Variants in ADGRB3 observed in about 807,000 individuals in gnomAD.
The protein encoded by ADGRB3 is adhesion G protein-coupled receptor B3, also known as brain-specific angiogenesis inhibitor 3.
Under a neutral mutation model 193.4 loss-of-function variants are expected in ADGRB3, and 37 were observed. That is an observed-to-expected ratio of 0.19 (90% CI 0.15 to 0.25). ADGRB3 has a LOEUF of 0.25. Ranked by LOEUF, ADGRB3 falls within the 10% of genes least tolerant of loss-of-function variation. The pLI is 1.00. For synonymous variants in ADGRB3, 690 were observed against 644.2 expected, an observed-to-expected ratio of 1.07 and a Z score of -1.08; for missense variants, 1,637 against 1,852.9, an observed-to-expected ratio of 0.88 and a Z score of 2.14.
chr6:69,189,513 T>A (rs1184701772), intron 17 of ADGRB3, among the ~76,000 whole-genome samples: 2 of 152,246 alleles, frequency 1.3e-5, no homozygotes, highest in African/African-American at 4.8e-5. Flanking sequence ...GTTTTGAAAT[T>A]ATTAATGTGA....
rs9446055 is a variant in ADGRB3, at chr6:68,769,480, T to C, written c.757+130048T>C. On this transcript the variant is annotated intron_variant, in intron 3 of 31. Transcript: ENST00000370598. The stretch of plus-strand genomic sequence containing the variant: ...GCTTGTTCTCACTCATAAGTCGGAG[T>C]TGAACAATGAGAACACATGGACACA... Among the ~76,000 whole-genome samples the C allele has an allele frequency of 7.0e-3, 1,062 of 151,946 alleles. 20 individuals are homozygous for C. The highest frequency in any genetic ancestry group is 0.025 in the African/African-American group (1,019 of 41,432).
Position 69,125,106 on chromosome 6 carries a change from C to T in ADGRB3, c.2480+49068C>T, listed in dbSNP as rs190350761. ...CAAGCAGGCTTCCTCTTAGGGTCCA[C>T]GGGCAAGGGACAGGCAGGCAGACCA... On this transcript the variant is annotated intron_variant, in intron 17 of 31. Transcript: ENST00000370598. Among the ~76,000 whole-genome samples the T allele has an allele frequency of 6.6e-4, 101 of 152,258 alleles. 1 individual carries two copies. In the Middle Eastern group the frequency reaches 0.02, roughly 31 times the overall value.
intron 17 of ADGRB3, among the ~76,000 whole-genome samples, chr6:69,196,489 G>A (rs1357418195): frequency 6.6e-6 from 1 of 152,068 alleles, no homozygotes. Flanking sequence ...CTATCAGATG[G>A]CTGCCTTCTT....
Position 69,012,133 on chromosome 6 carries a change from C to T in ADGRB3, c.1930-1905C>T, listed in dbSNP as rs1026838773. Among the ~76,000 whole-genome samples the T allele has an allele frequency of 4.6e-5, 7 of 152,050 alleles. No homozygotes were observed. In the East Asian group the frequency reaches 1.4e-3, roughly 29 times the overall value. ...TCTTCATCAAGGAATTTTGTGTATG[C>T]AGTGGCCTTCATGTACAGCAAGGAG... On this transcript the variant is annotated intron_variant, in intron 11 of 31. Transcript: ENST00000370598.
intron 4 of ADGRB3, among the ~76,000 whole-genome samples, chr6:68,932,924 A>G (rs545919119): frequency 1.9e-5 from 2 of 103,760 alleles, no homozygotes; most frequent in South Asian, 5.8e-4. Context: ...AATCAATATG[A>G]TCAGTAAAAG....
rs1252799719 is a variant in ADGRB3, at chr6:68,936,398, A to G, written c.869-121A>G. 3.9e-6 allele frequency: 4 copies of G among 1,024,296 alleles called. No homozygotes were observed. The East Asian group carries it at 1.1e-4, about 27-fold the overall frequency. 63.5% of individuals were successfully genotyped at this position (1,024,296 alleles called of 1,614,324 possible). A position where few individuals can be genotyped will look rare whatever the true frequency, so the allele number is the denominator to read the frequency against. On this transcript the variant is annotated intron_variant, in intron 4 of 31. Coordinates refer to ENST00000370598, the MANE Select transcript of ADGRB3 (RefSeq NM_001704.3). ...CTGAAATGTTTTCATGTACCTTTTG[A>G]TGTATGGTCATATTTTTACATTTAA...
At chr6:68,812,643 T>A (rs1767534613) in intron 3 of ADGRB3, among the ~76,000 whole-genome samples, 1 of 152,198 alleles carries the variant, frequency 6.6e-6, no homozygotes, top group African/African-American at 2.4e-5. Flanking sequence ...TTGCTTCTAC[T>A]AATGTACAAA....
intron 17 of ADGRB3, among the ~76,000 whole-genome samples, chr6:69,193,728 C>G (rs1765244874): frequency 6.6e-6 from 1 of 150,986 alleles, no homozygotes; most frequent in Non-Finnish European, 1.5e-5. Context: ...TTTTTTTTAC[C>G]TAGAATGTAA....
intron 11 of ADGRB3, 39 bp from the exon 12 acceptor site, chr6:69,013,999 T>C: frequency 2.9e-6 from 4 of 1,367,082 alleles, no homozygotes; most frequent in Non-Finnish European, 3.0e-6. Flanking sequence ...TATAATTCTC[T>C]CATGTAATAT....
chr6:69,111,695 TTGGATATGAAACCAAG>T (rs1466799349), intron 17 of ADGRB3, among the ~76,000 whole-genome samples: 14 of 152,222 alleles, frequency 9.2e-5, no homozygotes, highest in African/African-American at 3.1e-4. Flanking sequence ...AGATAATTTC[TTGGATATGAAACCAAG>T]ATAATTTTAA....
chr6:69,016,142 A>C, intron 12 of ADGRB3, among the ~76,000 whole-genome samples: 1 of 151,966 alleles, frequency 6.6e-6, no homozygotes, highest in East Asian at 1.9e-4. Flanking sequence ...TTGCATTTAC[A>C]ATAGAGACTT....
intron 3 of ADGRB3, among the ~76,000 whole-genome samples, chr6:68,879,892 T>A (rs1765688845): frequency 7.1e-6 from 1 of 141,300 alleles, no homozygotes; most frequent in Non-Finnish European, 1.6e-5. Context: ...TTCAAAAAGA[T>A]TCTGAACAAA....
chr6:69,362,791 G>A (rs1769480381), intron 29 of ADGRB3, among the ~76,000 whole-genome samples: 1 of 151,972 alleles, frequency 6.6e-6, no homozygotes, highest in South Asian at 2.1e-4. Context: ...AATAGCTGCA[G>A]TTTCTTTATT....
intron 3 of ADGRB3, among the ~76,000 whole-genome samples, chr6:68,883,495 C>G (rs964245795): frequency 2.0e-5 from 3 of 152,176 alleles, no homozygotes; most frequent in Non-Finnish European, 4.4e-5. Context: ...CTCATTGGGT[C>G]TGTACTGCCT....
At chr6:69,284,617 C>G (rs1767509657) in intron 20 of ADGRB3, among the ~76,000 whole-genome samples, 1 of 152,026 alleles carries the variant, frequency 6.6e-6, no homozygotes, top group Admixed American at 6.6e-5. Flanking sequence ...ACTGGAAATG[C>G]AAATTGAAGC....
chr6:69,135,947 G>A (rs1313011243), intron 17 of ADGRB3, among the ~76,000 whole-genome samples: 1 of 152,030 alleles, frequency 6.6e-6, no homozygotes, highest in African/African-American at 2.4e-5. Flanking sequence ...AATGTACGAA[G>A]ACATAACTTT....
chr6:68,984,059 A>AGAG (rs1482585312), intron 10 of ADGRB3, among the ~76,000 whole-genome samples: 1 of 152,184 alleles, frequency 6.6e-6, no homozygotes, highest in African/African-American at 2.4e-5. Context: ...GTAAGCAAGA[A>AGAG]GAGAGTGTCA....
intron 20 of ADGRB3, among the ~76,000 whole-genome samples, chr6:69,242,094 A>G (rs1331379663): frequency 1.3e-5 from 2 of 151,870 alleles, no homozygotes; most frequent in Non-Finnish European, 2.9e-5. Context: ...CTCTATTTGT[A>G]TTTATATATG....
chr6:69,073,032 A>G (rs2150311556), intron 16 of ADGRB3, among the ~76,000 whole-genome samples: 1 of 152,310 alleles, frequency 6.6e-6, no homozygotes, highest in South Asian at 2.1e-4. Context: ...TGTGCTGACT[A>G]GCATAGGCCA....
Sources: allele counts gnomAD v4.1 joint callset (sites outside exome capture counted in the v4.1 genomes callset), GRCh38; gene constraint gnomAD v4.1.1; transcripts MANE v1.5; gene names NCBI Gene and HGNC (gene_info 2026-07-23, HGNC 2026-07-21).